TARS2: variants seen among roughly 807,000 people sequenced by gnomAD.
The protein encoded by TARS2 is threonine--tRNA ligase, mitochondrial.
Under a neutral mutation model 94.4 loss-of-function variants are expected in TARS2, and 61 were observed. The ratio of observed to expected loss-of-function variants is 0.65; its 90% CI spans 0.53 to 0.80. The LOEUF (loss-of-function observed/expected upper bound fraction) is 0.80. TARS2 is among the 30% of genes least tolerant of loss of function. The pLI, the probability that TARS2 is intolerant of heterozygous loss-of-function variation, is 0.00. For synonymous variants in TARS2, 359 were observed against 353.4 expected, an observed-to-expected ratio of 1.02 and a Z score of -0.18; for missense variants, 704 against 902.5, an observed-to-expected ratio of 0.78 and a Z score of 2.82.
chr1:150,505,785 A>G (rs751344850), intron 17 of TARS2, 80 bp downstream of exon 17: 29 of 1,390,230 alleles, frequency 2.1e-5, no homozygotes, highest in Non-Finnish European at 2.1e-5. Context: ...CTGGTAATGC[A>G]TATTTGGGTT....
At chr1:150,501,332 TA>T (rs779157125) in intron 13 of TARS2, among the ~76,000 whole-genome samples, 3,664 of 52,864 alleles carry the variant, frequency 0.069, 336 homozygotes, top group Non-Finnish European at 0.1. Flanking sequence ...TTTTTTTTTT[TA>T]TTGAGACTAT....
At chr1:150,501,327 TTTTTTA>T (rs1560255359) in intron 13 of TARS2, among the ~76,000 whole-genome samples, 1 of 113,426 alleles carries the variant, frequency 8.8e-6, no homozygotes, top group Non-Finnish European at 1.9e-5. Flanking sequence ...TTTTTTTTTT[TTTTTTA>T]TTGAGACTAT....
chr1:150,496,882 T>A lies in TARS2; in HGVS notation c.994T>A (p.Tyr332Asn). ...CFFLPRGTRVYNALVAFIRAE... is the reference protein window; with the variant it reads ...CFFLPRGTRVNNALVAFIRAE... ...CTTCCTGCCACGAGGGACAAGGGTG[T>A]ATAATGCACTAGTGGCGTTTATCAG... is the stretch of plus-strand genomic sequence containing the variant. The change falls in exon 9 of 18, where the codon TAT becomes AAT. Residue 332 changes from tyrosine to asparagine, a missense_variant. Physicochemically the swap from Tyr to Asn is moderately radical, Grantham distance 143. Coordinates refer to ENST00000369064, the MANE Select transcript of TARS2 (RefSeq NM_025150.5). 1 of 1,614,074 alleles carries A rather than the reference T, an allele frequency of 6.2e-7. No individual in the cohort carries two copies. Among genetic ancestry groups the A allele is most frequent in the Non-Finnish European group, 8.5e-7 (1 of 1,180,014 alleles).
At chr1:150,490,114 CTTTTTTTT>C (rs772454527) in intron 3 of TARS2, among the ~76,000 whole-genome samples, 128 of 80,200 alleles carry the variant, frequency 1.6e-3, no homozygotes, top group Middle Eastern at 0.011. Flanking sequence ...TCTATTCAGT[CTTTTTTTT>C]TTTTTTTTTT....
rs751518235 is a variant in TARS2, at chr1:150,492,467, T to C, written c.752T>C (p.Ile251Thr). The C allele has an allele frequency of 2.5e-6, 4 of 1,613,674 alleles. No individual in the cohort carries two copies. The highest frequency in any genetic ancestry group is 3.4e-6 in the Non-Finnish European group (4 of 1,179,894). ...QGPHLRHTGQ[I>T]GGLKLLSNSS... ...CCCCACCTTCGGCATACTGGACAGA[T>C]TGGAGGACTGAAGCTGCTATCGGTC... The change falls in exon 7 of 18, where the codon ATT becomes ACT. Residue 251 changes from isoleucine (I) to threonine (T), a missense_variant. Coordinates refer to ENST00000369064, the MANE Select transcript of TARS2 (RefSeq NM_025150.5).
intron 12 of TARS2, 39 bp from the exon 13 acceptor site, chr1:150,499,177 T>C (rs768431251): frequency 6.2e-7 from 1 of 1,612,786 alleles, no homozygotes; most frequent in South Asian, 1.1e-5. Context: ...TTTTGAAGTC[T>C]AAGATGATGT....
chr1:150,503,559 G>A (rs1426100493), intron 13 of TARS2, among the ~76,000 whole-genome samples: 17 of 95,124 alleles, frequency 1.8e-4, no homozygotes, highest in Non-Finnish European at 3.2e-4. Context: ...GTGTGTGTGT[G>A]TGTGTGTGTG....
At chr1:150,496,418 G>C (rs1669664145) in intron 7 of TARS2, 64 bp from the exon 8 acceptor site, 1 of 1,529,046 alleles carries the variant, frequency 6.5e-7, no homozygotes, top group Non-Finnish European at 8.8e-7. Context: ...TATCATTTGA[G>C]TCTTGAAAAA....
intron 7 of TARS2, among the ~76,000 whole-genome samples, chr1:150,496,158 C>T (rs1287762177): frequency 6.6e-6 from 1 of 152,068 alleles, no homozygotes; most frequent in Non-Finnish European, 1.5e-5. Context: ...GACATTTGAC[C>T]AGAGCTTATG....
intron 1 of TARS2, 139 bp from the exon 2 acceptor site, chr1:150,487,719 A>T: frequency 1.5e-6 from 2 of 1,300,146 alleles, no homozygotes; most frequent in Non-Finnish European, 2.1e-6. Flanking sequence ...CCCCCAGCCT[A>T]GGGTCTTGTA....
intron 9 of TARS2, 52 bp from the exon 10 acceptor site, chr1:150,497,478 C>T: frequency 6.4e-7 from 1 of 1,570,936 alleles, no homozygotes; most frequent in Non-Finnish European, 8.7e-7. Context: ...GACACCCTAC[C>T]TGCTTTCCTT....
At chr1:150,492,262 C>A in intron 6 of TARS2, 149 bp from the exon 7 acceptor site, 3 of 790,578 alleles carry the variant, frequency 3.8e-6, no homozygotes, top group Non-Finnish European at 6.1e-6. Flanking sequence ...CCGCGCCCTG[C>A]CAGGGAATTG....
At position 150,496,918 on chromosome 1, in the gene TARS2, C is replaced by A; in HGVS notation, c.1020+10C>A. 1 of 1,613,254 alleles carries A rather than the reference C, an allele frequency of 6.2e-7. No individual in the cohort carries two copies. On this transcript the variant is annotated intron_variant, in intron 9 of 17. Transcript: ENST00000369064. The stretch of plus-strand genomic sequence containing the variant: ...AGTGGCGTTTATCAGGGTAAGGGGA[C>A]CCAGGTCTAGAGGAAAGAAGACCAG...
chr1:150,488,079 C>G (rs760568362), intron 2 of TARS2, 25 bp downstream of exon 2: 2 of 1,607,810 alleles, frequency 1.2e-6, no homozygotes, highest in South Asian at 2.2e-5. Context: ...CTGTAACTAC[C>G]AGGATTATCC....
intron 7 of TARS2, among the ~76,000 whole-genome samples, chr1:150,494,478 A>C (rs1349033992): frequency 2.0e-5 from 3 of 151,730 alleles, no homozygotes; most frequent in Non-Finnish European, 4.4e-5. Flanking sequence ...GGTGGTTCAC[A>C]CGTGTAATCC....
At chr1:150,490,114 CTTTTTTTTT>C (rs772454527) in intron 3 of TARS2, among the ~76,000 whole-genome samples, 6 of 80,176 alleles carry the variant, frequency 7.5e-5, no homozygotes, top group South Asian at 9.8e-4. Flanking sequence ...TCTATTCAGT[CTTTTTTTTT>C]TTTTTTTTTT....
rs1570849423 is a variant in TARS2, at chr1:150,496,424, A to G, written c.775-58A>G. ...CACTGAGAGTATCATTTGAGTCTTG[A>G]AAAAGGTGGGGGCCTTCAGTCCTCA... On this transcript the variant is annotated intron_variant, in intron 7 of 17. Transcript: ENST00000369064. 9 of 1,528,062 alleles carry G rather than the reference A, an allele frequency of 5.9e-6. No homozygotes were observed. In the East Asian group the frequency reaches 1.6e-4, roughly 27 times the overall value. The allele number at this position is 1,528,062 out of a possible 1,614,324, so 94.7% of individuals were successfully genotyped here.
chr1:150,503,639 GTATATA>G (rs587637589), intron 13 of TARS2, among the ~76,000 whole-genome samples: 1 of 113,854 alleles, frequency 8.8e-6, no homozygotes, highest in East Asian at 3.6e-4. Context: ...ATATGTGTGT[GTATATA>G]TGTGTGTATA....
chr1:150,497,036 A>G (rs1450341897), intron 9 of TARS2, 128 bp downstream of exon 9: 1 of 856,808 alleles, frequency 1.2e-6, no homozygotes, highest in Non-Finnish European at 1.8e-6. Flanking sequence ...TAATCCTAGC[A>G]CTTTCGGAGG....
Sources: allele counts gnomAD v4.1 joint callset (sites outside exome capture counted in the v4.1 genomes callset), GRCh38; gene constraint gnomAD v4.1.1; transcripts MANE v1.5; gene names NCBI Gene and HGNC (gene_info 2026-07-23, HGNC 2026-07-21).